ANXA3: variants seen among roughly 807,000 people sequenced by gnomAD.
ANXA3 encodes 35-alpha calcimedin.
A neutral mutation model predicts 48.8 loss-of-function variants in ANXA3; 46 were observed. The observed-to-expected ratio is 0.94, with a 90% CI of 0.74 to 1.21. ANXA3 has a LOEUF of 1.21. Ranked by LOEUF, ANXA3 falls within the 50% of genes most tolerant of loss-of-function variation. The probability of loss-of-function intolerance (pLI) is 0.00; values close to 1 mark genes in which losing one functional copy is unlikely to be tolerated. For synonymous variants in ANXA3, 128 were observed against 134.7 expected, an observed-to-expected ratio of 0.95 and a Z score of 0.35; for missense variants, 383 against 378.6, an observed-to-expected ratio of 1.01 and a Z score of -0.10.
intron 2 of ANXA3, among the ~76,000 whole-genome samples, chr4:78,562,671 A>G (rs1469809861): frequency 6.6e-6 from 1 of 152,276 alleles, no homozygotes; most frequent in Non-Finnish European, 1.5e-5. Flanking sequence ...AAAGGATGGC[A>G]CCTACATTTT....
At chr4:78,595,552 T>C in intron 8 of ANXA3, 115 bp downstream of exon 8, 3 of 1,209,050 alleles carry the variant, frequency 2.5e-6, no homozygotes, top group Non-Finnish European at 3.5e-6. Flanking sequence ...TTTTTTTTTT[T>C]TCCTGTTTGA....
At chr4:78,555,953 A>G (rs1722504759) in intron 2 of ANXA3, among the ~76,000 whole-genome samples, 1 of 152,048 alleles carries the variant, frequency 6.6e-6, no homozygotes, top group East Asian at 1.9e-4. Flanking sequence ...AAAAAAAAAA[A>G]GTAATGTAGA....
intron 5 of ANXA3, among the ~76,000 whole-genome samples, chr4:78,585,003 C>T (rs980021625): frequency 2.6e-5 from 4 of 152,148 alleles, no homozygotes; most frequent in Non-Finnish European, 4.4e-5. Flanking sequence ...CTGTGTTGGG[C>T]GCAAGTCCAG....
At chr4:78,597,230 G>T (rs1252522817) in intron 9 of ANXA3, 89 bp from the exon 10 acceptor site, 1 of 802,572 alleles carries the variant, frequency 1.2e-6, no homozygotes, top group Non-Finnish European at 2.0e-6. Context: ...CTTGCTACTT[G>T]ATCTTCTGCA....
At chr4:78,596,712 A>G (rs1457228356) in intron 9 of ANXA3, among the ~76,000 whole-genome samples, 1 of 152,194 alleles carries the variant, frequency 6.6e-6, no homozygotes, top group East Asian at 1.9e-4. Flanking sequence ...AAACCAGATA[A>G]CCCTAGGTCT....
intron 3 of ANXA3, among the ~76,000 whole-genome samples, chr4:78,578,576 A>C (rs1723010130): frequency 2.0e-5 from 3 of 152,146 alleles, no homozygotes; most frequent in South Asian, 4.1e-4. Context: ...AATATTAACT[A>C]TGGCAATGAA....
At chr4:78,592,086 A>G (rs1477190971) in intron 7 of ANXA3, among the ~76,000 whole-genome samples, 1 of 152,258 alleles carries the variant, frequency 6.6e-6, no homozygotes, top group African/African-American at 2.4e-5. Context: ...CAGTCTCAGG[A>G]TTAAAAAAAA....
intron 7 of ANXA3, among the ~76,000 whole-genome samples, chr4:78,594,129 A>G (rs1352787393): frequency 1.3e-5 from 2 of 151,854 alleles, no homozygotes; most frequent in African/African-American, 2.4e-5. Flanking sequence ...AGAATGTCCT[A>G]TAGTTGGAAT....
rs540156218 is a variant in ANXA3, at chr4:78,579,803, C to A, written c.198+682C>A. 1.3e-5 allele frequency among the ~76,000 whole-genome samples: 2 copies of A among 152,190 alleles called. 1 individual carries two copies. Among genetic ancestry groups the A allele is most frequent in the South Asian group, 4.2e-4 (2 of 4,814 alleles). On this transcript the variant is annotated intron_variant, in intron 4 of 12. Coordinates refer to ENST00000264908, the MANE Select transcript of ANXA3 (RefSeq NM_005139.3). ...AATTAGCCTGGTGTGATGGCACATGCCTGTAATCTCAGCTACTCGGGAGGC... is the reference window on the plus strand; with the variant it reads ...AATTAGCCTGGTGTGATGGCACATGACTGTAATCTCAGCTACTCGGGAGGC...
In ANXA3 at chr4:78,591,853, T is replaced by C. The variant is rs111753007; in HGVS notation, c.483+230T>C. Among the ~76,000 whole-genome samples, 860 of 152,244 alleles carry C rather than the reference T, an allele frequency of 5.6e-3. 6 individuals carry two copies. Among genetic ancestry groups the C allele is most frequent in the Middle Eastern group, 0.024 (7 of 294 alleles). On this transcript the variant is annotated intron_variant, in intron 7 of 12. Coordinates refer to ENST00000264908, the MANE Select transcript of ANXA3 (RefSeq NM_005139.3). Reference sequence around the variant, plus strand: ...AAGAAAACTTATTTGAGTCAGTAAGTGGAGGTGTTTTGGTCAGGTTTCACA... The same window carrying C: ...AAGAAAACTTATTTGAGTCAGTAAGCGGAGGTGTTTTGGTCAGGTTTCACA...
chr4:78,579,535 A>G (rs1723032039), intron 4 of ANXA3, among the ~76,000 whole-genome samples: 1 of 152,224 alleles, frequency 6.6e-6, no homozygotes, highest in South Asian at 2.1e-4. Context: ...CTCCACAACA[A>G]AGAATTACTA....
intron 2 of ANXA3, 110 bp downstream of exon 2, chr4:78,554,598 C>A: frequency 4.6e-6 from 4 of 873,426 alleles, no homozygotes; most frequent in Non-Finnish European, 7.6e-6. Context: ...GTTTATCTGG[C>A]AAAATTAACA....
chr4:78,591,655 C>T, intron 7 of ANXA3, 32 bp downstream of exon 7: 1 of 1,443,596 alleles, frequency 6.9e-7, no homozygotes, highest in Non-Finnish European at 9.7e-7. Context: ...TTTAACTCCC[C>T]AGTAAGCTGC....
intron 2 of ANXA3, among the ~76,000 whole-genome samples, chr4:78,568,520 GC>G (rs1224846899): frequency 6.6e-6 from 1 of 152,114 alleles, no homozygotes; most frequent in African/African-American, 2.4e-5. Context: ...TGGCTTCACC[GC>G]ATCTTCAAAA....
At chr4:78,604,091 G>C (rs907809583) in intron 11 of ANXA3, 186 bp from the exon 12 acceptor site, 5 of 493,934 alleles carry the variant, frequency 1.0e-5, no homozygotes, top group Non-Finnish European at 1.7e-5. Flanking sequence ...TTAGCATGAT[G>C]CTGTCACAGA....
intron 2 of ANXA3, among the ~76,000 whole-genome samples, chr4:78,567,862 C>T (rs1722763343): frequency 6.6e-6 from 1 of 152,222 alleles, no homozygotes; most frequent in African/African-American, 2.4e-5. Context: ...GGAAAGATAT[C>T]TCTTGAGTAT....
At chr4:78,581,732 A>T (rs1391242315) in intron 4 of ANXA3, among the ~76,000 whole-genome samples, 1 of 152,200 alleles carries the variant, frequency 6.6e-6, no homozygotes, top group Non-Finnish European at 1.5e-5. Context: ...ACCAGAGACA[A>T]ATGACCAGCC....
At position 78,604,366 on chromosome 4, in the gene ANXA3, G is replaced by T; in HGVS notation, c.879G>T (p.Lys293Asn). The T allele has an allele frequency of 6.2e-7, 1 of 1,613,076 alleles. No individual in the cohort carries two copies. The highest frequency in any genetic ancestry group is 8.5e-7 in the Non-Finnish European group (1 of 1,179,408). The change falls in exon 12 of 13, where the codon AAG becomes AAT. Residue 293 changes from lysine to asparagine, a missense_variant. Physicochemically the swap from Lys to Asn is moderately conservative, Grantham distance 94 (BLOSUM62 0). Transcript: ENST00000264908. Reference protein sequence around the residue: ...DLLDIRTEFKKHYGYSLYSAI... With the variant: ...DLLDIRTEFKNHYGYSLYSAI... ...TGGACATTCGAACAGAGTTCAAGAA[G>T]CATTATGGCTATTCCCTATATTCAG... is the stretch of plus-strand genomic sequence containing the variant.
intron 10 of ANXA3, among the ~76,000 whole-genome samples, chr4:78,598,179 CCACACA>C (rs57634883): frequency 2.1e-5 from 3 of 144,666 alleles, no homozygotes; most frequent in Non-Finnish European, 3.1e-5. Flanking sequence ...ATTAAAAAAA[CCACACA>C]CACACACACA....
Sources: gnomAD v4.1 joint callset for allele counts (sites outside exome capture counted in the v4.1 genomes callset) on GRCh38, gnomAD v4.1.1 for gene constraint, MANE v1.5 for transcripts, NCBI Gene and HGNC (gene_info 2026-07-23, HGNC 2026-07-21) for gene names.